TP63: variants seen among roughly 807,000 people sequenced by gnomAD.
TP63 encodes tumor protein p63, also known as tumor protein 63.
TP63 carries 17 observed loss-of-function variants against 82.8 expected under a neutral mutation model. That is an observed-to-expected ratio of 0.21 (90% CI 0.14 to 0.31). The LOEUF (loss-of-function observed/expected upper bound fraction) is 0.31, where lower values mean the gene tolerates loss of function less well. TP63 is among the 10% of genes least tolerant of loss of function. The pLI is 1.00. For synonymous variants in TP63, 330 were observed against 321.7 expected (o/e 1.03, Z -0.28); for missense variants, 648 against 895.3 (o/e 0.72, Z 3.52).
chr3:189,716,494 T>C (rs1364353977), intron 1 of TP63, among the ~76,000 whole-genome samples: 1 of 152,176 alleles, frequency 6.6e-6, no homozygotes, highest in Non-Finnish European at 1.5e-5. Context: ...TTGCCAATCA[T>C]CTTTCTCACT....
chr3:189,851,872 A>AGGAGAGATTTGTCTT (rs1715681089), intron 4 of TP63, among the ~76,000 whole-genome samples: 1 of 152,180 alleles, frequency 6.6e-6, no homozygotes, highest in Non-Finnish European at 1.5e-5. Flanking sequence ...TCAGCTCTCC[A>AGGAGAGATTTGTCTT]GGAGAGATTT....
chr3:189,641,490 A>G (rs981175329), intron 1 of TP63, among the ~76,000 whole-genome samples: 8 of 152,100 alleles, frequency 5.3e-5, no homozygotes, highest in African/African-American at 1.9e-4. Context: ...AATTTAGTAA[A>G]ACAATTGTTT....
intron 1 of TP63, among the ~76,000 whole-genome samples, chr3:189,734,861 C>G (rs1422597101): frequency 2.0e-5 from 3 of 152,166 alleles, no homozygotes; most frequent in Non-Finnish European, 4.4e-5. Flanking sequence ...TCTTACCATG[C>G]CATTCCCTTT....
At chr3:189,879,555 T>C (rs1036497394) in intron 10 of TP63, among the ~76,000 whole-genome samples, 1 of 152,196 alleles carries the variant, frequency 6.6e-6, no homozygotes, top group Non-Finnish European at 1.5e-5. Flanking sequence ...ACCTCACACT[T>C]AGGCTAGACA....
chr3:189,690,078 G>A (rs950152835), intron 1 of TP63, among the ~76,000 whole-genome samples: 15 of 151,922 alleles, frequency 9.9e-5, no homozygotes, highest in Non-Finnish European at 2.1e-4. Context: ...AGATGACATG[G>A]GTTTAAACTC....
chr3:189,738,922 G>C, intron 3 of TP63, 148 bp downstream of exon 3: 1 of 1,217,156 alleles, frequency 8.2e-7, no homozygotes, highest in Non-Finnish European at 1.2e-6. Flanking sequence ...GCTGAGAGAA[G>C]ATTTGGTGTG....
At chr3:189,597,162 C>G in the TP63 span, among the ~76,000 whole-genome samples, 2 of 152,186 alleles carry the variant, frequency 1.3e-5, no homozygotes, top group Non-Finnish European at 2.9e-5. Flanking sequence ...TCCGGACACC[C>G]TATCAGAGAT....
At chr3:189,819,271 A>C (rs893191657) in intron 4 of TP63, among the ~76,000 whole-genome samples, 1 of 152,086 alleles carries the variant, frequency 6.6e-6, no homozygotes, top group Non-Finnish European at 1.5e-5. Flanking sequence ...ATATAAGTAT[A>C]AGCAAATGTG....
chr3:189,617,965 T>C, the TP63 span, among the ~76,000 whole-genome samples: 14 of 152,292 alleles, frequency 9.2e-5, no homozygotes, highest in East Asian at 1.4e-3. Flanking sequence ...ACTCTTAAGG[T>C]CCCTGGATAG....
chr3:189,781,541 C>T (rs1399020229), intron 3 of TP63, among the ~76,000 whole-genome samples: 1 of 152,150 alleles, frequency 6.6e-6, no homozygotes, highest in African/African-American at 2.4e-5. Flanking sequence ...ATCCCCGCCC[C>T]ACCTGGAGTT....
At chr3:189,802,920 C>CT (rs1726470986) in intron 3 of TP63, among the ~76,000 whole-genome samples, 1 of 152,112 alleles carries the variant, frequency 6.6e-6, no homozygotes, top group Admixed American at 6.6e-5. Flanking sequence ...TTAATAACCT[C>CT]TTACTATATA....
intron 4 of TP63, among the ~76,000 whole-genome samples, chr3:189,838,894 A>G (rs1302374357): frequency 6.6e-6 from 1 of 152,122 alleles, no homozygotes; most frequent in Non-Finnish European, 1.5e-5. Context: ...ATAGGATAGT[A>G]GAGCCTTGAA....
chr3:189,888,263 T>A (rs6790554), intron 11 of TP63, among the ~76,000 whole-genome samples: 6 of 152,178 alleles, frequency 3.9e-5, no homozygotes, highest in East Asian at 1.9e-4. Context: ...AATGATAAAC[T>A]CATCATAAGG....
intron 1 of TP63, among the ~76,000 whole-genome samples, chr3:189,715,795 T>C (rs978345169): frequency 2.0e-5 from 3 of 152,210 alleles, no homozygotes; most frequent in African/African-American, 7.2e-5. Context: ...TGTTTTTCTT[T>C]TGTTAGAAAA....
chr3:189,820,266 A>C (rs1728666331), intron 4 of TP63, among the ~76,000 whole-genome samples: 2 of 152,212 alleles, frequency 1.3e-5, no homozygotes, highest in African/African-American at 4.8e-5. Context: ...ACCACAAGGA[A>C]CTATAGACTT....
chr3:189,642,862 CAT>C (rs72023061), intron 1 of TP63, among the ~76,000 whole-genome samples: 10,992 of 152,064 alleles, frequency 0.072, 487 homozygotes, highest in Middle Eastern at 0.2. Flanking sequence ...ATAAATAAAA[CAT>C]GACAGAAAAC....
rs565556454 is a variant in TP63, at chr3:189,895,683, T to C, written c.*1181T>C. On this transcript the variant is annotated 3_prime_UTR_variant, in exon 14 of 14. Coordinates refer to ENST00000264731, the MANE Select transcript of TP63 (RefSeq NM_003722.5). ...ATCTTTTGAAGCATAGATAATATTG[T>C]TTGGTAAATGTTTCTTTTGTTTGGT... 1.4e-3 allele frequency: 321 copies of C among 228,422 alleles called. 1 individual carries two copies. The highest frequency in any genetic ancestry group is 2.4e-3 in the Non-Finnish European group (276 of 115,250). 14.1% of individuals were successfully genotyped at this position (228,422 alleles called of 1,614,324 possible). A position where few individuals can be genotyped will look rare whatever the true frequency, so the allele number is the denominator to read the frequency against.
chr3:189,752,877 T>C (rs367902706), intron 3 of TP63, among the ~76,000 whole-genome samples: 7 of 152,186 alleles, frequency 4.6e-5, no homozygotes, highest in African/African-American at 1.7e-4. Flanking sequence ...CAAAATATTG[T>C]CTAGTTTTTC....
chr3:189,627,406 G>A (rs1311553296), upstream of TP63, among the ~76,000 whole-genome samples: 1 of 152,030 alleles, frequency 6.6e-6, no homozygotes, highest in East Asian at 1.9e-4. Context: ...AGAAACCATG[G>A]CATCAATGAG....
Sources: allele counts gnomAD v4.1 joint callset (sites outside exome capture counted in the v4.1 genomes callset), GRCh38; gene constraint gnomAD v4.1.1; transcripts MANE v1.5; gene names NCBI Gene and HGNC (gene_info 2026-07-23, HGNC 2026-07-21).